RABGAP1: variants seen among roughly 807,000 people sequenced by gnomAD.
The protein encoded by RABGAP1 is RAB GTPase activating protein 1.
RABGAP1 carries 23 observed loss-of-function variants against 137.6 expected under a neutral mutation model. The ratio of observed to expected loss-of-function variants is 0.17; its 90% confidence interval spans 0.12 to 0.24. The LOEUF is 0.24. Ranked by LOEUF, RABGAP1 falls within the 10% of genes least tolerant of loss-of-function variation. RABGAP1 has a pLI of 1.00. For missense variants in RABGAP1, 906 were observed against 1,275.8 expected (o/e 0.71, Z 4.42); for synonymous variants, 451 against 450.7 (o/e 1.00, Z -0.01).
chr9:123,034,158 TTTC>T (rs1178331285), intron 13 of RABGAP1: 2 of 184,292 alleles, frequency 1.1e-5, no homozygotes, highest in African/African-American at 4.7e-5. Context: ...GCTCTCTCCT[TTTC>T]TTCTATCAGC....
intron 11 of RABGAP1, among the ~76,000 whole-genome samples, chr9:123,015,007 TG>T (rs2131897752): frequency 6.6e-6 from 1 of 152,204 alleles, no homozygotes; most frequent in Admixed American, 6.5e-5. Flanking sequence ...CCATGACACG[TG>T]GGATTATGGG....
upstream of RABGAP1, chr9:122,937,748 C>T (rs1354164054): frequency 6.6e-6 from 1 of 152,058 alleles, no homozygotes; most frequent in Non-Finnish European, 1.5e-5. Context: ...AATCCCAGCA[C>T]TTTGGGAGGC....
intron 10 of RABGAP1, among the ~76,000 whole-genome samples, chr9:123,005,415 A>T (rs1033669307): frequency 6.6e-6 from 1 of 152,022 alleles, no homozygotes; most frequent in Non-Finnish European, 1.5e-5. Context: ...GATAACAATT[A>T]TTATTGGTTT....
At chr9:123,081,159 T>C (rs889203302) in intron 19 of RABGAP1, among the ~76,000 whole-genome samples, 8 of 152,258 alleles carry the variant, frequency 5.3e-5, no homozygotes, top group African/African-American at 1.9e-4. Flanking sequence ...TAGCTTGTTA[T>C]ATTGTAGGAA....
intron 24 of RABGAP1, among the ~76,000 whole-genome samples, chr9:123,100,396 T>C (rs2132248027): frequency 2.7e-5 from 1 of 37,348 alleles, no homozygotes; most frequent in South Asian, 2.7e-3. Flanking sequence ...TGTGTGTGTG[T>C]GTGTGTGTGT....
At chr9:123,092,372 T>A (rs183713359) in intron 21 of RABGAP1, among the ~76,000 whole-genome samples, 1 of 152,382 alleles carries the variant, frequency 6.6e-6, no homozygotes, top group East Asian at 1.9e-4. Context: ...TTTGTGGTGC[T>A]AGGCACTATG....
chr9:123,034,213 ATCT>A (rs1318854895), intron 13 of RABGAP1: 2 of 282,558 alleles, frequency 7.1e-6, no homozygotes, highest in East Asian at 6.7e-5. Flanking sequence ...GAAGCTCCTA[ATCT>A]TCTTCCCTTC....
At chr9:123,017,720 G>A (rs2031335892) in intron 12 of RABGAP1, among the ~76,000 whole-genome samples, 3 of 152,304 alleles carry the variant, frequency 2.0e-5, no homozygotes, top group South Asian at 4.1e-4. Flanking sequence ...AATAATGGAT[G>A]CCATGGTTGT....
chr9:123,038,382 G>A (rs113857760), intron 13 of RABGAP1, among the ~76,000 whole-genome samples: 45 of 151,972 alleles, frequency 3.0e-4, no homozygotes, highest in African/African-American at 8.0e-4. Flanking sequence ...TTTTTTTACC[G>A]TAAATGCATT....
intron 6 of RABGAP1, among the ~76,000 whole-genome samples, chr9:122,995,391 C>G (rs1283706757): frequency 6.6e-6 from 1 of 151,724 alleles, no homozygotes; most frequent in East Asian, 1.9e-4. Context: ...TCTGTAAAGC[C>G]CAGTGATAAA....
At chr9:122,960,494 A>G (rs962127070) in intron 2 of RABGAP1, among the ~76,000 whole-genome samples, 1 of 152,194 alleles carries the variant, frequency 6.6e-6, no homozygotes, top group African/African-American at 2.4e-5. Context: ...AATCTACAAA[A>G]ATCAACTAGC....
chr9:123,008,738 T>TCAAATATCTCTA lies in RABGAP1; in HGVS notation c.1375-1616_1375-1615insCAAATATCTCTA. On this transcript the variant is annotated intron_variant, in intron 10 of 25. Coordinates refer to ENST00000373647, the MANE Select transcript of RABGAP1 (RefSeq NM_012197.4). The stretch of plus-strand genomic sequence containing the variant: ...ATGTATCAAATATTCTAATTCAGTG[T>TCAAATATCTCTA]ATTAATTAATGAGAGAACCAGAAAG... Among the ~76,000 whole-genome samples the TCAAATATCTCTA allele has an allele frequency of 2.0e-5, 3 of 152,320 alleles. No homozygotes were observed. The East Asian group carries it at 5.8e-4, about 29-fold the overall frequency.
At chr9:122,970,362 A>G (rs1835404872) in intron 2 of RABGAP1, among the ~76,000 whole-genome samples, 1 of 152,174 alleles carries the variant, frequency 6.6e-6, no homozygotes. Flanking sequence ...CAAAGCCAGG[A>G]CTTCAAGGCT....
intron 2 of RABGAP1, among the ~76,000 whole-genome samples, chr9:122,962,748 A>G (rs1221271287): frequency 6.6e-6 from 1 of 152,162 alleles, no homozygotes; most frequent in African/African-American, 2.4e-5. Flanking sequence ...TAATAATACT[A>G]AATGTAAGTA....
chr9:122,971,010 A>G (rs757235305), intron 2 of RABGAP1, among the ~76,000 whole-genome samples: 1 of 152,224 alleles, frequency 6.6e-6, no homozygotes, highest in Non-Finnish European at 1.5e-5. Context: ...GGAATTTTCT[A>G]TTCTTTATAA....
chr9:122,972,984 A>AAAT (rs1835548799), intron 2 of RABGAP1, among the ~76,000 whole-genome samples: 2 of 151,240 alleles, frequency 1.3e-5, no homozygotes, highest in African/African-American at 2.4e-5. Context: ...ATATTAAAAA[A>AAAT]AAAAAATACA....
In RABGAP1 at chr9:122,942,499, G is replaced by T. The variant is rs117477574; in HGVS notation, c.-50+1406G>T. Among the ~76,000 whole-genome samples the T allele has an allele frequency of 6.4e-4, 98 of 152,054 alleles. No individual in the cohort carries two copies. In the East Asian group the frequency reaches 0.016, roughly 25 times the overall value. On this transcript the variant is annotated intron_variant, in intron 1 of 25. Transcript: ENST00000373647. ...AGCCTGTCCAATATGGTGAAACCAG[G>T]TCTCTACTGAAAATACAAAAATTAG...
At chr9:123,090,693 C>G (rs557421085) in intron 21 of RABGAP1, among the ~76,000 whole-genome samples, 1 of 152,306 alleles carries the variant, frequency 6.6e-6, no homozygotes, top group South Asian at 2.1e-4. Context: ...AGCATTTAAT[C>G]ATTATAATTA....
chr9:123,072,019 C>A (rs2034373130), intron 15 of RABGAP1, among the ~76,000 whole-genome samples: 1 of 152,034 alleles, frequency 6.6e-6, no homozygotes, highest in South Asian at 2.1e-4. Context: ...GGGTATTAAG[C>A]CATTTTGTGT....
Sources: allele counts gnomAD v4.1 joint callset (sites outside exome capture counted in the v4.1 genomes callset), GRCh38; gene constraint gnomAD v4.1.1; transcripts MANE v1.5; gene names NCBI Gene and HGNC (gene_info 2026-07-23, HGNC 2026-07-21).